The following APBB3 variants were observed in gnomAD, a reference collection of about 807,000 sequenced individuals.
The protein encoded by APBB3 is amyloid beta precursor protein binding family B member 3.
In APBB3, 50 loss-of-function variants were observed where a neutral mutation model predicts 61.5. The ratio of observed to expected loss-of-function variants is 0.81; its 90% CI spans 0.65 to 1.03. The LOEUF (loss-of-function observed/expected upper bound fraction) is 1.03, where lower values mean the gene tolerates loss of function less well. Ranked by LOEUF, APBB3 falls within the 50% of genes least tolerant of loss-of-function variation. The probability of loss-of-function intolerance (pLI) is 0.00; values close to 1 mark genes in which losing one functional copy is unlikely to be tolerated. For synonymous variants in APBB3, 235 were observed against 233.0 expected, an observed-to-expected ratio of 1.01 and a Z score of -0.08; for missense variants, 550 against 637.4, an observed-to-expected ratio of 0.86 and a Z score of 1.48.
Position 140,560,927 on chromosome 5 carries a change from G to T in APBB3, c.916+91C>A. 1 of 1,477,758 alleles carries T rather than the reference G, an allele frequency of 6.8e-7. No individual in the cohort carries two copies. 91.5% of individuals were successfully genotyped at this position (1,477,758 alleles called of 1,614,324 possible). On this transcript the variant is annotated intron_variant, in intron 10 of 12. Coordinates refer to ENST00000357560, the MANE Select transcript of APBB3 (RefSeq NM_133173.3). The surrounding 1 kb of genome is among the most constrained non-coding windows in gnomAD (Gnocchi z 5.1). ...ACCCCAGGCCATAACAAGGCCACGG[G>T]AGGACTCTTGAGAAATGATAACAGG... is the stretch of plus-strand genomic sequence containing the variant.
chr5:140,562,407 C>G lies in APBB3; in HGVS notation c.444G>C (p.Gln148His), dbSNP rs750845353. The stretch of plus-strand genomic sequence containing the variant: ...TCCGGCTGCGGGTCTGGGCCAGCTG[C>G]TGGATACAGTTATTGACTGCAATAC... ...KSSIAVNNCIQQLAQTRSRSQ... is the reference protein window; with the variant it reads ...KSSIAVNNCIHQLAQTRSRSQ... The change falls in exon 5 of 13, where the codon CAG becomes CAC. Residue 148 changes from glutamine to histidine, a missense_variant. Around this residue, in one of 3 missense-constraint regions of APBB3, gnomAD observed 405 missense variants for 483.4 expected, o/e 0.84. Transcript: ENST00000357560. 7 of 1,614,202 alleles carry G rather than the reference C, an allele frequency of 4.3e-6. No homozygotes were observed. The South Asian group carries it at 6.6e-5, about 15-fold the overall frequency.
chr5:140,563,587 C>T lies in APBB3; in HGVS notation c.290+7G>A. Reference sequence around the variant, plus strand: ...AAGCCTTTCATTTTGCCTGGGCCACCCGTTACCTCCGGTCCAGTGAACTCT... The same window carrying T: ...AAGCCTTTCATTTTGCCTGGGCCACTCGTTACCTCCGGTCCAGTGAACTCT... On this transcript the variant is annotated splice_region_variant and intron_variant, in intron 3 of 12. Coordinates refer to ENST00000357560, the MANE Select transcript of APBB3 (RefSeq NM_133173.3). The T allele has an allele frequency of 6.2e-7, 1 of 1,614,182 alleles. No individual in the cohort carries two copies. Among genetic ancestry groups the T allele is most frequent in the Non-Finnish European group, 8.5e-7 (1 of 1,180,050 alleles).
chr5:140,562,100 C>T lies in APBB3; in HGVS notation c.626G>A (p.Arg209His), dbSNP rs201714439. 1.4e-5 allele frequency: 23 copies of T among 1,613,804 alleles called. No homozygotes were observed. The highest frequency in any genetic ancestry group is 2.2e-5 in the South Asian group (2 of 91,056). Reference sequence around the variant, plus strand: ...GCTTGGGGGATGTAGGCATCCTCACCGGCCCTTGGAGCTCCCCACGCCCCA... The same window carrying T: ...GCTTGGGGGATGTAGGCATCCTCACTGGCCCTTGGAGCTCCCCACGCCCCA... ...RVWGVGSSKGRDRDFAFVASD... is the reference protein window; with the variant it reads ...RVWGVGSSKGHDRDFAFVASD... Residue 209 changes from arginine (R) to histidine (H), a missense_variant and splice_region_variant, in exon 6 of 13, where the codon CGT (arginine) becomes CAT (histidine). By Grantham distance (29) the Arg-to-His change is conservative (BLOSUM62 0). Coordinates refer to ENST00000357560, the MANE Select transcript of APBB3 (RefSeq NM_133173.3).
rs760083930 is a variant in APBB3, at chr5:140,562,697, T to C, written c.317A>G (p.Glu106Gly). ...TGGCTCCATGCTCTGGATGTAGGAT[T>C]CCCCACCATACCAGGACAGAGAGTT... ...RSNSLSWYGG[E>G]SYIQSMEPGA... The change falls in exon 4 of 13, where the codon GAA becomes GGA. Residue 106 changes from glutamate to glycine, a missense_variant. Physicochemically the swap from Glu to Gly is moderately conservative, Grantham distance 98 (BLOSUM62 -2). Transcript: ENST00000357560. The C allele has an allele frequency of 6.2e-7, 1 of 1,614,184 alleles. No individual in the cohort carries two copies. Among genetic ancestry groups the C allele is most frequent in the South Asian group, 1.1e-5 (1 of 91,082 alleles).
intron 12 of APBB3, 105 bp from the exon 13 acceptor site, chr5:140,558,926 G>T: frequency 2.0e-6 from 2 of 1,025,130 alleles, no homozygotes; most frequent in African/African-American, 1.6e-5. Flanking sequence ...TGATAACAAG[G>T]TTGGTAGTCA....
intron 3 of APBB3, 107 bp from the exon 4 acceptor site, chr5:140,562,830 T>C (rs2127133108): frequency 9.9e-7 from 1 of 1,008,524 alleles, no homozygotes; most frequent in Non-Finnish European, 1.5e-6. Flanking sequence ...ACCCAGAATA[T>C]AGCACCAGAA....
At position 140,564,419 on chromosome 5, in the gene APBB3, G is replaced by T. The variant is rs1755122900; in HGVS notation, c.-174C>A. 12 of 736,252 alleles carry T rather than the reference G, an allele frequency of 1.6e-5. 1 individual carries two copies. The South Asian group carries it at 2.2e-4, about 13-fold the overall frequency. The allele number at this position is 736,252 out of a possible 1,614,324, so 45.6% of individuals were successfully genotyped here. ...CGGGACACGGGCCGGTCCCGGGGGA[G>T]GGCCTGAGCCGCACAGCCCGCCCAG... On this transcript the variant is annotated 5_prime_UTR_variant, in exon 1 of 13. Coordinates refer to ENST00000357560, the MANE Select transcript of APBB3 (RefSeq NM_133173.3). This position sits in a 1 kb window ranked among gnomAD's most constrained non-coding sequence, Gnocchi z 5.0.
At chr5:140,561,232 A>T in intron 9 of APBB3, 131 bp from the exon 10 acceptor site, 1 of 1,440,288 alleles carries the variant, frequency 6.9e-7, no homozygotes, top group Non-Finnish European at 9.7e-7. Context: ...TCCTCCAACT[A>T]GTGGCTTGGG....
rs116175330 is a variant in APBB3 at position 140,562,952 on chromosome 5, A to G, written c.291-229T>C. 2.2e-3 allele frequency: 1,223 copies of G among 548,184 alleles called. 12 individuals are homozygous for G. Among genetic ancestry groups the G allele is most frequent in the African/African-American group, 0.021 (1,099 of 52,934 alleles). 34.0% of individuals were successfully genotyped at this position (548,184 alleles called of 1,614,324 possible). A position where few individuals can be genotyped will look rare whatever the true frequency, so the allele number is the denominator to read the frequency against. On this transcript the variant is annotated intron_variant, in intron 3 of 12. Transcript: ENST00000357560. ...GGACCCAGACACAGGACATAGAATAAAAGTCACAAGGCTAGGTGCAGTGGT... is the reference window on the plus strand; with the variant it reads ...GGACCCAGACACAGGACATAGAATAGAAGTCACAAGGCTAGGTGCAGTGGT...
In APBB3 at chr5:140,564,361, T is replaced by G. The variant is rs1049553556; in HGVS notation, c.-116A>C. 1.1e-4 allele frequency: 138 copies of G among 1,240,650 alleles called. No individual in the cohort carries two copies. Among genetic ancestry groups the G allele is most frequent in the Middle Eastern group, 2.0e-4 (1 of 5,112 alleles). 76.9% of individuals were successfully genotyped at this position (1,240,650 alleles called of 1,614,324 possible). A position where few individuals can be genotyped will look rare whatever the true frequency, so the allele number is the denominator to read the frequency against. On this transcript the variant is annotated 5_prime_UTR_variant, in exon 1 of 13. Coordinates refer to ENST00000357560, the MANE Select transcript of APBB3 (RefSeq NM_133173.3). The surrounding 1 kb of genome is among the most constrained non-coding windows in gnomAD (Gnocchi z 5.0). ...CTGCGCCGCAGGCTGCGGGGCCAGC[T>G]GGCGCCGCACAAATACGGGGCGGGA...
In APBB3 at chr5:140,558,371, C is replaced by G. The variant is rs1237554327; in HGVS notation, c.*214G>C. 14 of 661,048 alleles carry G rather than the reference C, an allele frequency of 2.1e-5. No individual in the cohort carries two copies. The highest frequency in any genetic ancestry group is 3.5e-5 in the Non-Finnish European group (13 of 371,810). 40.9% of individuals were successfully genotyped at this position (661,048 alleles called of 1,614,324 possible). A position where few individuals can be genotyped will look rare whatever the true frequency, so the allele number is the denominator to read the frequency against. On this transcript the variant is annotated 3_prime_UTR_variant, in exon 13 of 13. Transcript: ENST00000357560. ...GACAGGGGCAAGGAACACAAGGACC[C>G]AAGGAAAGGGGAGCCAGGGTCCTAC...
intron 4 of APBB3, 25 bp downstream of exon 4, chr5:140,562,637 CA>C (rs751212712): frequency 1.1e-4 from 170 of 1,613,788 alleles, no homozygotes; most frequent in Non-Finnish European, 1.4e-4. Context: ...TGGGACCTCC[CA>C]ATGCCCTCAG....
chr5:140,560,292 C>CCA lies in APBB3; in HGVS notation c.1224+19_1224+20dup. Reference sequence around the variant, plus strand: ...GCAGCTGCAGGGCAATCCCACCAACCCATTCCCACCCATGACTCACCATAC... The same window carrying CCA: ...GCAGCTGCAGGGCAATCCCACCAACCCACATTCCCACCCATGACTCACCATAC... On this transcript the variant is annotated intron_variant, in intron 12 of 12. Coordinates refer to ENST00000357560, the MANE Select transcript of APBB3 (RefSeq NM_133173.3). The surrounding 1 kb of genome is among the most constrained non-coding windows in gnomAD (Gnocchi z 5.1). The CCA allele has an allele frequency of 2.3e-5, 37 of 1,606,766 alleles. No homozygotes were observed. Among genetic ancestry groups the CCA allele is most frequent in the Non-Finnish European group, 3.0e-5 (35 of 1,174,396 alleles).
At position 140,561,679 on chromosome 5, in the gene APBB3, C is replaced by T; in HGVS notation, c.655G>A (p.Asp219Asn). Residue 219 changes from aspartate (D) to asparagine (N), a missense_variant, in exon 8 of 13, where the codon GAC (aspartate) becomes AAC (asparagine). Asp to Asn is a conservative substitution (Grantham distance 23). Transcript: ENST00000357560. ...CACTTGAGCATACAGCTATCTTTGT[C>T]ACTTGCCACAAAAGCGAAGTCCCTA... ...RDRDFAFVASDKDSCMLKCHV... is the reference protein window; with the variant it reads ...RDRDFAFVASNKDSCMLKCHV... The T allele has an allele frequency of 6.2e-7, 1 of 1,614,232 alleles. No homozygotes were observed. The highest frequency in any genetic ancestry group is 8.5e-7 in the Non-Finnish European group (1 of 1,180,038).
At chr5:140,562,985 G>A (rs1359886280) in intron 3 of APBB3, 2 of 473,520 alleles carry the variant, frequency 4.2e-6, no homozygotes, top group Non-Finnish European at 7.6e-6. Flanking sequence ...GGTGGCTCAC[G>A]CCTGTAATCC....
In APBB3 at chr5:140,564,463, G is replaced by A; in HGVS notation, c.-218C>T. Reference sequence around the variant, plus strand: ...CGCCCAGGGGTGGTGCGTGTAAACGGGCGTCTGGATCCCCGAATGGTTGCG... The same window carrying A: ...CGCCCAGGGGTGGTGCGTGTAAACGAGCGTCTGGATCCCCGAATGGTTGCG... On this transcript the variant is annotated 5_prime_UTR_variant, in exon 1 of 13. Transcript: ENST00000357560. The surrounding 1 kb of genome is among the most constrained non-coding windows in gnomAD (Gnocchi z 5.0). The A allele has an allele frequency of 1.7e-6, 1 of 588,794 alleles. No homozygotes were observed. The highest frequency in any genetic ancestry group is 2.1e-5 in the South Asian group (1 of 47,386). 36.5% of individuals were successfully genotyped at this position (588,794 alleles called of 1,614,324 possible).
chr5:140,563,845 A>G lies in APBB3; in HGVS notation c.120T>C (p.Asp40=), dbSNP rs149527996. The G allele has an allele frequency of 1.2e-6, 2 of 1,614,100 alleles. No individual in the cohort carries two copies. The highest frequency in any genetic ancestry group is 1.7e-6 in the Non-Finnish European group (2 of 1,180,052). Residue 40 remains aspartate, a synonymous_variant, in exon 2 of 13, where the codon GAT becomes GAC. Transcript: ENST00000357560. ...GLPPGWRKIH[D]AAGTYYWHVP... Reference sequence around the variant, plus strand: ...CATGCCAGTAGTAAGTACCTGCAGCATCGTGGATCTTCCTCCAGCCAGGAG... The same window carrying G: ...CATGCCAGTAGTAAGTACCTGCAGCGTCGTGGATCTTCCTCCAGCCAGGAG...
In APBB3 at chr5:140,563,845, AT is replaced by A; in HGVS notation, c.119del (p.Asp40ValfsTer24). 2.5e-6 allele frequency: 4 copies of A among 1,614,218 alleles called. No homozygotes were observed. The highest frequency in any genetic ancestry group is 2.5e-6 in the Non-Finnish European group (3 of 1,180,044). On this transcript the variant is annotated frameshift_variant, in exon 2 of 13. Coordinates refer to ENST00000357560, the MANE Select transcript of APBB3 (RefSeq NM_133173.3). LOFTEE classifies it high-confidence loss of function. The stretch of plus-strand genomic sequence containing the variant: ...CATGCCAGTAGTAAGTACCTGCAGC[AT>A]CGTGGATCTTCCTCCAGCCAGGAGG... The part of the protein sequence containing the change: ...GLPPGWRKIH[D>X]AAGTYYWHVP...
intron 3 of APBB3, chr5:140,563,041 T>C (rs1228810850): frequency 8.3e-6 from 3 of 360,050 alleles, no homozygotes; most frequent in Non-Finnish European, 1.5e-5. Flanking sequence ...GGTCAGGATA[T>C]CGAGACCATC....
Sources: allele counts gnomAD v4.1 joint callset, GRCh38; gene constraint gnomAD v4.1.1; regional missense constraint gnomAD v4.1.1; non-coding constraint Gnocchi (gnomAD v3.1); transcripts MANE v1.5; gene names NCBI Gene and HGNC (gene_info 2026-07-23, HGNC 2026-07-21).